The following INTS9 variants were observed in gnomAD, a reference collection of about 807,000 sequenced individuals.
The protein encoded by INTS9 is protein related to CPSF subunits of 74 kDa.
INTS9 carries 55 observed loss-of-function variants against 79.7 expected under a neutral mutation model. The observed-to-expected ratio is 0.69, with a 90% CI of 0.56 to 0.86. INTS9 has a LOEUF of 0.86. INTS9 is among the 40% of genes least tolerant of loss of function. The probability of loss-of-function intolerance (pLI) is 0.00; values close to 1 mark genes in which losing one functional copy is unlikely to be tolerated. For synonymous variants in INTS9, 319 were observed against 325.2 expected (o/e 0.98, Z 0.20); for missense variants, 721 against 831.5 (o/e 0.87, Z 1.64).
intron 1 of INTS9, chr8:28,862,077 G>T: frequency 7.1e-6 from 7 of 985,416 alleles, no homozygotes; most frequent in Non-Finnish European, 8.4e-6. Context: ...CAGAGTGGCT[G>T]CCTGAGGTTC....
rs1207504265 is a variant in INTS9 at position 28,840,988 on chromosome 8, A to AG, written c.262-3213_262-3212insC. On this transcript the variant is annotated intron_variant, in intron 4 of 16. Transcript: ENST00000521022. ...AAAAAAAAGAAAGAAAGATGATGTGACATAAGCAGATGAAGAGAGGGAGGG... is the reference window on the plus strand; with the variant it reads ...AAAAAAAAGAAAGAAAGATGATGTGAGCATAAGCAGATGAAGAGAGGGAGGG... 5.5e-3 allele frequency among the ~76,000 whole-genome samples: 836 copies of AG among 152,000 alleles called. 9 individuals carry two copies. The highest frequency in any genetic ancestry group is 0.019 in the African/African-American group (800 of 41,452).
intron 5 of INTS9, 67 bp from the exon 6 acceptor site, chr8:28,835,445 A>T: frequency 1.7e-6 from 2 of 1,160,052 alleles, no homozygotes; most frequent in Non-Finnish European, 2.5e-6. Flanking sequence ...ATACTCTAAC[A>T]GTTGGCCAGG....
At chr8:28,862,340 T>A in intron 1 of INTS9, 1 of 501,382 alleles carries the variant, frequency 2.0e-6, no homozygotes, top group Non-Finnish European at 2.6e-6. Context: ...TTCACACTGC[T>A]GTGTGTGCTG....
At chr8:28,831,253 A>T (rs1465610514) in intron 6 of INTS9, among the ~76,000 whole-genome samples, 2 of 152,228 alleles carry the variant, frequency 1.3e-5, no homozygotes, top group African/African-American at 2.4e-5. Context: ...GTGGGAGCTG[A>T]ACGAGAACAC....
chr8:28,782,518 T>C (rs944632092), intron 11 of INTS9, among the ~76,000 whole-genome samples: 10 of 152,246 alleles, frequency 6.6e-5, no homozygotes, highest in Non-Finnish European at 1.5e-4. Context: ...GTGTACAGCA[T>C]GTGGACATGT....
chr8:28,830,065 G>A (rs201471582), intron 6 of INTS9, among the ~76,000 whole-genome samples: 115 of 145,320 alleles, frequency 7.9e-4, no homozygotes, highest in Non-Finnish European at 1.4e-3. Context: ...AAAAAAAAAA[G>A]AGTGAAAACA....
At position 28,794,229 on chromosome 8, in the gene INTS9, T is replaced by C. The variant is rs534000330; in HGVS notation, c.857-242A>G. ...GGAATAGAGCATGTGACTACGGGTT[T>C]GGGTTTTTACCAATGGCAGCTGAGC... On this transcript the variant is annotated intron_variant, in intron 9 of 16. Coordinates refer to ENST00000521022, the MANE Select transcript of INTS9 (RefSeq NM_018250.4). Among the ~76,000 whole-genome samples, 319 of 152,316 alleles carry C rather than the reference T, an allele frequency of 2.1e-3. 4 individuals are homozygous for C. Among genetic ancestry groups the C allele is most frequent in the African/African-American group, 7.3e-3 (302 of 41,572 alleles).
intron 10 of INTS9, among the ~76,000 whole-genome samples, chr8:28,791,909 G>A (rs1002260948): frequency 5.3e-5 from 8 of 152,146 alleles, no homozygotes; most frequent in East Asian, 1.9e-4. Context: ...ACTGCAAACT[G>A]TAATTTATAG....
intron 1 of INTS9, among the ~76,000 whole-genome samples, chr8:28,880,223 T>G (rs899994128): frequency 6.8e-6 from 1 of 147,094 alleles, no homozygotes; most frequent in African/African-American, 2.6e-5. Flanking sequence ...AATGTAGACA[T>G]AGCTCTCCCT....
rs751308088 is a variant in INTS9 at position 28,771,021 on chromosome 8, C to T, written c.1623G>A (p.Ser541=). ...TGTTATCTTTGGTGTGCAGCACGGCCGAGACAGTTGCCAAGGAGATGCCAG... is the reference window on the plus strand; with the variant it reads ...TGTTATCTTTGGTGTGCAGCACGGCTGAGACAGTTGCCAAGGAGATGCCAG... ...IKPGISLATV[S]AVLHTKDNKH... Residue 541 remains serine (S), a synonymous_variant, in exon 15 of 17, where the codon TCG becomes TCA. Transcript: ENST00000521022. The T allele has an allele frequency of 6.2e-6, 10 of 1,613,620 alleles. No homozygotes were observed. Among genetic ancestry groups the T allele is most frequent in the East Asian group, 2.2e-5 (1 of 44,862 alleles).
intron 6 of INTS9, among the ~76,000 whole-genome samples, chr8:28,816,464 C>A (rs1341572918): frequency 6.6e-6 from 1 of 151,368 alleles, no homozygotes; most frequent in Admixed American, 6.6e-5. Context: ...TCGTCCATGT[C>A]CCTACAAAGG....
intron 1 of INTS9, among the ~76,000 whole-genome samples, chr8:28,889,459 C>T (rs1448125379): frequency 2.6e-5 from 4 of 152,208 alleles, no homozygotes; most frequent in Admixed American, 1.3e-4. Context: ...TTTTTACTGT[C>T]TGCTTAAATC....
At chr8:28,791,999 T>C (rs1409908154) in intron 10 of INTS9, among the ~76,000 whole-genome samples, 6 of 152,068 alleles carry the variant, frequency 3.9e-5, no homozygotes, top group African/African-American at 1.4e-4. Flanking sequence ...TAAGCAAAAA[T>C]AGCTCCAAGA....
At chr8:28,883,837 G>C (rs749416809) in intron 1 of INTS9, among the ~76,000 whole-genome samples, 13 of 152,172 alleles carry the variant, frequency 8.5e-5, no homozygotes, top group Non-Finnish European at 1.8e-4. Context: ...GGAGACCTGA[G>C]GGTTGGTTTA....
chr8:28,816,150 T>C (rs905462973), intron 6 of INTS9, among the ~76,000 whole-genome samples: 2 of 152,166 alleles, frequency 1.3e-5, no homozygotes, highest in East Asian at 3.9e-4. Flanking sequence ...TTTCCTTTTT[T>C]AAAAATTTTA....
At chr8:28,844,592 G>A (rs1285552523) in intron 4 of INTS9, among the ~76,000 whole-genome samples, 1 of 152,114 alleles carries the variant, frequency 6.6e-6, no homozygotes, top group African/African-American at 2.4e-5. Flanking sequence ...TTGGGAGGCC[G>A]AGGCAGGTGT....
intron 10 of INTS9, among the ~76,000 whole-genome samples, chr8:28,793,481 T>G (rs1804027422): frequency 6.6e-6 from 1 of 152,168 alleles, no homozygotes; most frequent in African/African-American, 2.4e-5. Flanking sequence ...GCTTGAAAAT[T>G]TTTTTAACTT....
intron 6 of INTS9, among the ~76,000 whole-genome samples, chr8:28,833,600 A>C (rs1344306653): frequency 1.3e-5 from 2 of 151,654 alleles, no homozygotes; most frequent in African/African-American, 2.4e-5. Context: ...AGCCTGGGCG[A>C]CAGAGTTAGA....
At chr8:28,805,026 T>C (rs1358611391) in intron 8 of INTS9, among the ~76,000 whole-genome samples, 3 of 152,062 alleles carry the variant, frequency 2.0e-5, no homozygotes, top group African/African-American at 7.2e-5. Flanking sequence ...TAGAAATTCC[T>C]TAAAAGGAAA....
Sources: gnomAD v4.1 joint callset for allele counts (sites outside exome capture counted in the v4.1 genomes callset) on GRCh38, gnomAD v4.1.1 for gene constraint, MANE v1.5 for transcripts, NCBI Gene and HGNC (gene_info 2026-07-23, HGNC 2026-07-21) for gene names.